The following HPSE2 variants were observed in gnomAD, a reference collection of about 807,000 sequenced individuals.
HPSE2 encodes inactive heparanase-2.
Under a neutral mutation model 60.5 loss-of-function variants are expected in HPSE2, and 38 were observed. The observed-to-expected ratio is 0.63, with a 90% confidence interval of 0.48 to 0.82. HPSE2 has a LOEUF of 0.82. HPSE2 is among the 40% of genes least tolerant of loss of function. The pLI is 0.00. For missense variants in HPSE2, 713 were observed against 740.4 expected, an observed-to-expected ratio of 0.96 and a Z score of 0.43; for synonymous variants, 295 against 293.2, an observed-to-expected ratio of 1.01 and a Z score of -0.06.
At chr10:98,592,257 C>A (rs1179932447) in intron 9 of HPSE2, among the ~76,000 whole-genome samples, 3 of 152,224 alleles carry the variant, frequency 2.0e-5, no homozygotes, top group Non-Finnish European at 4.4e-5. Flanking sequence ...ACTCTGTGGG[C>A]AATGGGTATG....
chr10:98,802,723 T>C (rs1247105171), intron 3 of HPSE2, among the ~76,000 whole-genome samples: 8 of 149,372 alleles, frequency 5.4e-5, no homozygotes, highest in African/African-American at 2.0e-4. Flanking sequence ...TCTATCATTG[T>C]TGGACATTTG....
intron 7 of HPSE2, 22 bp downstream of exon 7, chr10:98,641,825 T>G: frequency 6.4e-7 from 1 of 1,566,404 alleles, no homozygotes; most frequent in South Asian, 1.1e-5. Context: ...GCTCCTTTTC[T>G]TCCCAGGATA....
In HPSE2 at chr10:99,094,540, A is replaced by ATTT. The variant is rs531721304; in HGVS notation, c.610+49695_610+49697dup. On this transcript the variant is annotated intron_variant, in intron 3 of 11. Transcript: ENST00000370552. The stretch of plus-strand genomic sequence containing the variant: ...CATATATATATATATATATATATAT[A>ATTT]TTTTTTTTTTTTTTTTTTTTTTTTT... 7.5e-4 allele frequency among the ~76,000 whole-genome samples: 20 copies of ATTT among 26,612 alleles called. 3 individuals are homozygous for ATTT. The highest frequency in any genetic ancestry group is 1.5e-3 in the African/African-American group (9 of 5,856). 17.5% of individuals were successfully genotyped at this position (26,612 alleles called of 152,430 possible).
In HPSE2 at chr10:99,154,023, G is replaced by T. The variant is rs199585377; in HGVS notation, c.449-9624C>A. Among the ~76,000 whole-genome samples, 108 of 152,194 alleles carry T rather than the reference G, an allele frequency of 7.1e-4. 1 individual carries two copies. In the East Asian group the frequency reaches 0.019, roughly 26 times the overall value. ...ATCAGCAATGGAAGATGAAATAAAT[G>T]AAATGAAGCGAGAAGGGAAGTTTAG... On this transcript the variant is annotated intron_variant, in intron 2 of 11. Transcript: ENST00000370552.
At chr10:99,096,820 C>A (rs1843734339) in intron 3 of HPSE2, among the ~76,000 whole-genome samples, 1 of 152,058 alleles carries the variant, frequency 6.6e-6, no homozygotes, top group African/African-American at 2.4e-5. Flanking sequence ...TGATATGGGA[C>A]TTTCTATGTT....
chr10:99,108,716 C>A (rs1470930491), intron 3 of HPSE2, among the ~76,000 whole-genome samples: 1 of 152,172 alleles, frequency 6.6e-6, no homozygotes, highest in Non-Finnish European at 1.5e-5. Context: ...GTCCTTTTAG[C>A]ATGAAGTGGT....
At chr10:99,239,732 G>A (rs944102915), upstream of HPSE2, among the ~76,000 whole-genome samples, 5 of 151,482 alleles carry the variant, frequency 3.3e-5, no homozygotes, top group Admixed American at 6.6e-5. Context: ...GCCCAGCCCC[G>A]TTTGTCAACT....
chr10:98,528,180 G>A (rs910472961), intron 9 of HPSE2, among the ~76,000 whole-genome samples: 1 of 151,994 alleles, frequency 6.6e-6, no homozygotes, highest in Non-Finnish European at 1.5e-5. Flanking sequence ...TCTAGATCCC[G>A]AATGATGATG....
intron 7 of HPSE2, among the ~76,000 whole-genome samples, chr10:98,638,282 A>G (rs1589549410): frequency 6.6e-6 from 1 of 151,404 alleles, no homozygotes; most frequent in East Asian, 2.0e-4. Flanking sequence ...CATCTCTACT[A>G]AAAATACAAA....
Position 98,770,780 on chromosome 10 carries a change from A to T in HPSE2, c.611-26724T>A, listed in dbSNP as rs114053468. On this transcript the variant is annotated intron_variant, in intron 3 of 11. Transcript: ENST00000370552. The stretch of plus-strand genomic sequence containing the variant: ...TTAGTGTCTGCTTCTTGGTAGACTC[A>T]ATCTACTGCAAGTAACAGTGAAAAT... Among the ~76,000 whole-genome samples, 558 of 152,254 alleles carry T rather than the reference A, an allele frequency of 3.7e-3. 4 individuals carry two copies. Among genetic ancestry groups the T allele is most frequent in the African/African-American group, 0.013 (539 of 41,556 alleles).
chr10:98,554,590 C>T (rs2133859900), intron 9 of HPSE2, among the ~76,000 whole-genome samples: 1 of 152,242 alleles, frequency 6.6e-6, no homozygotes, highest in South Asian at 2.1e-4. Context: ...ATGACGTTTA[C>T]TAAATAGTTG....
At chr10:98,665,825 A>G (rs1029069908) in intron 6 of HPSE2, among the ~76,000 whole-genome samples, 1 of 152,222 alleles carries the variant, frequency 6.6e-6, no homozygotes, top group Non-Finnish European at 1.5e-5. Flanking sequence ...CTGCTACCAC[A>G]AAAGTCACTC....
intron 3 of HPSE2, among the ~76,000 whole-genome samples, chr10:98,767,609 TGTATA>T (rs201806089): frequency 0.054 from 7,969 of 146,648 alleles, 691 homozygotes; most frequent in African/African-American, 0.18. Context: ...TACTATAACA[TGTATA>T]GTATATGTTA....
At chr10:99,093,510 G>A (rs1202947411) in intron 3 of HPSE2, among the ~76,000 whole-genome samples, 1 of 152,114 alleles carries the variant, frequency 6.6e-6, no homozygotes, top group Non-Finnish European at 1.5e-5. Flanking sequence ...TTAGTAGCTC[G>A]TAGTTCTGGG....
intron 2 of HPSE2, among the ~76,000 whole-genome samples, chr10:99,150,274 G>C (rs1432435024): frequency 6.6e-6 from 1 of 152,130 alleles, no homozygotes; most frequent in Non-Finnish European, 1.5e-5. Context: ...ACCCACAGCA[G>C]TGCTAGCCTA....
At chr10:99,055,682 T>C (rs1050570399) in intron 3 of HPSE2, among the ~76,000 whole-genome samples, 2 of 152,084 alleles carry the variant, frequency 1.3e-5, no homozygotes, top group Non-Finnish European at 2.9e-5. Flanking sequence ...ATCTAGATAA[T>C]CTCCTAGTAG....
At chr10:99,302,869 C>T in the HPSE2 span, among the ~76,000 whole-genome samples, 2 of 150,818 alleles carry the variant, frequency 1.3e-5, no homozygotes, top group African/African-American at 4.9e-5. Flanking sequence ...GGGACATACC[C>T]TGGGGAGGAC....
the HPSE2 span, among the ~76,000 whole-genome samples, chr10:99,266,617 A>C: frequency 2.0e-5 from 3 of 152,136 alleles, no homozygotes; most frequent in East Asian, 5.8e-4. Flanking sequence ...GGACCCACCC[A>C]CTGCCTAATC....
the HPSE2 span, among the ~76,000 whole-genome samples, chr10:99,300,430 C>A: frequency 6.6e-6 from 1 of 152,164 alleles, no homozygotes; most frequent in Non-Finnish European, 1.5e-5. Context: ...AGATTTAACC[C>A]ATTTCTTAGG....
Sources: allele counts gnomAD v4.1 joint callset (sites outside exome capture counted in the v4.1 genomes callset), GRCh38; gene constraint gnomAD v4.1.1; transcripts MANE v1.5; gene names NCBI Gene and HGNC (gene_info 2026-07-23, HGNC 2026-07-21).